The following ADGRD1 variants were observed in gnomAD, a reference collection of about 807,000 sequenced individuals.
The protein encoded by ADGRD1 is adhesion G protein-coupled receptor D1, also known as G-protein coupled receptor 133.
In ADGRD1, 77 loss-of-function variants were observed where a neutral mutation model predicts 113.4. That is an observed-to-expected ratio of 0.68 (90% CI 0.57 to 0.82). ADGRD1 has a LOEUF of 0.82. Ranked by LOEUF, ADGRD1 falls within the 40% of genes least tolerant of loss-of-function variation. ADGRD1 has a pLI of 0.00. For synonymous variants in ADGRD1, 474 were observed against 475.0 expected, an observed-to-expected ratio of 1.00 and a Z score of 0.03; for missense variants, 1,036 against 1,139.1, an observed-to-expected ratio of 0.91 and a Z score of 1.30.
rs1299069874 is a variant in ADGRD1 at position 131,017,370 on chromosome 12, A to ACAGTCCACACACACC, written c.1473+3040_1473+3054dup. The stretch of plus-strand genomic sequence containing the variant: ...CCCAGTCCACACACACCCAGTGCAC[A>ACAGTCCACACACACC]CAGTCCACACACACCCAGTCCACAT... On this transcript the variant is annotated intron_variant, in intron 13 of 24. Transcript: ENST00000261654. 4.9e-5 allele frequency among the ~76,000 whole-genome samples: 7 copies of ACAGTCCACACACACC among 142,156 alleles called. 1 individual carries two copies. Among genetic ancestry groups the ACAGTCCACACACACC allele is most frequent in the African/African-American group, 2.0e-4 (7 of 35,764 alleles). 93.3% of individuals were successfully genotyped at this position (142,156 alleles called of 152,430 possible).
At chr12:131,040,396 T>C (rs958730155) in intron 13 of ADGRD1, among the ~76,000 whole-genome samples, 12 of 152,264 alleles carry the variant, frequency 7.9e-5, no homozygotes, top group Admixed American at 7.8e-4. Context: ...AAAGTAAATG[T>C]ATATTATTTC....
At chr12:131,064,109 G>C (rs777570502) in intron 13 of ADGRD1, among the ~76,000 whole-genome samples, 1 of 152,136 alleles carries the variant, frequency 6.6e-6, no homozygotes, top group Admixed American at 6.5e-5. Flanking sequence ...TGACATAAAT[G>C]CTCATACCAT....
At chr12:131,070,839 G>A (rs140640836) in intron 13 of ADGRD1, 54 of 519,050 alleles carry the variant, frequency 1.0e-4, no homozygotes, top group African/African-American at 9.4e-4. Context: ...GGCCTCTAGT[G>A]CCCTGCCCAT....
chr12:131,084,562 A>C lies in ADGRD1; in HGVS notation c.1570A>C (p.Asn524His). 6.2e-6 allele frequency: 10 copies of C among 1,614,054 alleles called. No individual in the cohort carries two copies. The highest frequency in any genetic ancestry group is 8.5e-6 in the Non-Finnish European group (10 of 1,179,996). Residue 524 changes from asparagine to histidine, a missense_variant, in exon 15 of 25, where the codon AAC becomes CAC. Physicochemically the swap from Asn to His is moderately conservative, Grantham distance 68 (BLOSUM62 1). Coordinates refer to ENST00000261654, the MANE Select transcript of ADGRD1 (RefSeq NM_198827.5). The surrounding 1 kb of genome is among the most constrained non-coding windows in gnomAD (Gnocchi z 4.5). ...DFSSGEGVWS[N>H]HGCALTRGNL... ...CAGCTCCGGAGAAGGGGTCTGGTCG[A>C]ACCACGGCTGTGCGCTCACGAGAGG...
chr12:131,012,920 G>A (rs572204633), intron 12 of ADGRD1, among the ~76,000 whole-genome samples: 5 of 152,290 alleles, frequency 3.3e-5, no homozygotes, highest in East Asian at 1.9e-4. Flanking sequence ...GTGACAGCAC[G>A]TCTCAGGCAT....
chr12:131,103,422 C>T (rs992767935), intron 15 of ADGRD1, among the ~76,000 whole-genome samples: 1 of 152,284 alleles, frequency 6.6e-6, no homozygotes, highest in African/African-American at 2.4e-5. Context: ...TGCCCCTACC[C>T]CAGCCCCACG....
At chr12:130,991,427 T>C (rs1383140704) in intron 7 of ADGRD1, among the ~76,000 whole-genome samples, 2 of 152,144 alleles carry the variant, frequency 1.3e-5, no homozygotes, top group African/African-American at 4.8e-5. Flanking sequence ...GTTCAATTCA[T>C]ATAGAAAAAT....
chr12:131,058,471 T>A (rs760074930), intron 13 of ADGRD1, among the ~76,000 whole-genome samples: 1 of 152,238 alleles, frequency 6.6e-6, no homozygotes, highest in African/African-American at 2.4e-5. Flanking sequence ...TCCACTGATC[T>A]TTCTTCATAC....
At chr12:131,117,559 A>G (rs898187932) in intron 18 of ADGRD1, among the ~76,000 whole-genome samples, 2 of 152,196 alleles carry the variant, frequency 1.3e-5, no homozygotes, top group Non-Finnish European at 2.9e-5. Flanking sequence ...GCAGTTTCGA[A>G]GAAAGCCCTT....
rs114845385 is a variant in ADGRD1 at position 130,972,537 on chromosome 12, C to T, written c.310+957C>T. The stretch of plus-strand genomic sequence containing the variant: ...GCAATGGTTATGAGGCCCAAAACCA[C>T]GGTCAGGTTTACAAACTCATAGTTT... On this transcript the variant is annotated intron_variant, in intron 4 of 24. Transcript: ENST00000261654. Among the ~76,000 whole-genome samples, 1,176 of 152,220 alleles carry T rather than the reference C, an allele frequency of 7.7e-3. 16 individuals are homozygous for T. The highest frequency in any genetic ancestry group is 0.027 in the African/African-American group (1,117 of 41,530).
intron 15 of ADGRD1, among the ~76,000 whole-genome samples, chr12:131,094,163 TACCCAGCCTCAGC>T (rs1352599732): frequency 6.9e-6 from 1 of 143,946 alleles, no homozygotes; most frequent in African/African-American, 2.6e-5. Flanking sequence ...ACAGCCTCAG[TACCCAGCCTCAGC>T]ACCCAGCCCC....
rs115688576 is a variant in ADGRD1, at chr12:131,113,843, C to T, written c.2042-4542C>T. ...GACCTGCTTCTTCAGGCCTCTGTGA[C>T]GCCCCAGAGAGGAGAGCTGCTCCTT... On this transcript the variant is annotated intron_variant, in intron 18 of 24. Transcript: ENST00000261654. The surrounding 1 kb of genome is among the most constrained non-coding windows in gnomAD (Gnocchi z 4.9). 0.012 allele frequency among the ~76,000 whole-genome samples: 1,781 copies of T among 152,300 alleles called. 29 individuals carry two copies. The highest frequency in any genetic ancestry group is 0.038 in the African/African-American group (1,590 of 41,554).
rs773249127 is a variant in ADGRD1, at chr12:131,141,200, C to T, written c.*1937C>T. The T allele has an allele frequency of 3.3e-5, 5 of 152,110 alleles. No individual in the cohort carries two copies. The highest frequency in any genetic ancestry group is 7.4e-5 in the Non-Finnish European group (5 of 68,016). 9.4% of individuals were successfully genotyped at this position (152,110 alleles called of 1,614,324 possible). ...GGAATTATTTGTTTTTAATTGTTGC[C>T]GTATTCATCTATATAGCTAATATTT... On this transcript the variant is annotated 3_prime_UTR_variant, in exon 25 of 25. Coordinates refer to ENST00000261654, the MANE Select transcript of ADGRD1 (RefSeq NM_198827.5).
chr12:131,074,978 C>T (rs767753818), intron 13 of ADGRD1, among the ~76,000 whole-genome samples: 2 of 152,192 alleles, frequency 1.3e-5, no homozygotes, highest in African/African-American at 2.4e-5. Context: ...GCAGCCTCTT[C>T]TCTGCTCCCT....
intron 13 of ADGRD1, among the ~76,000 whole-genome samples, chr12:131,033,155 G>A (rs1880986116): frequency 1.3e-5 from 2 of 152,212 alleles, no homozygotes; most frequent in South Asian, 4.1e-4. Flanking sequence ...TCCGTGTGCA[G>A]ACCAGGCTGG....
At chr12:131,118,058 T>C (rs754140034) in intron 18 of ADGRD1, among the ~76,000 whole-genome samples, 1 of 152,248 alleles carries the variant, frequency 6.6e-6, no homozygotes. Context: ...CAGGTCTAGA[T>C]AGACCAAGCT....
rs147766354 is a variant in ADGRD1 at position 131,060,768 on chromosome 12, G to A, written c.1474-16033G>A. On this transcript the variant is annotated intron_variant, in intron 13 of 24. Transcript: ENST00000261654. The surrounding 1 kb of genome is among the most constrained non-coding windows in gnomAD (Gnocchi z 4.4). Reference sequence around the variant, plus strand: ...CTTTTGATCAAAAACTTTGGGATGCGGAATGTAAAATCACTTATGATCTCA... The same window carrying A: ...CTTTTGATCAAAAACTTTGGGATGCAGAATGTAAAATCACTTATGATCTCA... Among the ~76,000 whole-genome samples, 6 of 152,200 alleles carry A rather than the reference G, an allele frequency of 3.9e-5. No homozygotes were observed. Among genetic ancestry groups the A allele is most frequent in the Non-Finnish European group, 5.9e-5 (4 of 68,020 alleles).
At chr12:131,039,715 G>A (rs1427590738) in intron 13 of ADGRD1, among the ~76,000 whole-genome samples, 1 of 152,258 alleles carries the variant, frequency 6.6e-6, no homozygotes, top group Non-Finnish European at 1.5e-5. Flanking sequence ...GAGGAGGGTG[G>A]CTGGTCCACG....
chr12:131,026,917 T>C (rs776951023), intron 13 of ADGRD1: 1 of 152,252 alleles, frequency 6.6e-6, no homozygotes, highest in Non-Finnish European at 1.5e-5. Flanking sequence ...TTTGGCTGTT[T>C]CCAGTTGCGG....
Sources: allele counts gnomAD v4.1 joint callset (sites outside exome capture counted in the v4.1 genomes callset), GRCh38; gene constraint gnomAD v4.1.1; non-coding constraint Gnocchi (gnomAD v3.1); transcripts MANE v1.5; gene names NCBI Gene and HGNC (gene_info 2026-07-23, HGNC 2026-07-21).